Variants in MAP7 observed in about 807,000 individuals in gnomAD.
The protein encoded by MAP7 is microtubule associated protein 7.
In MAP7, 52 loss-of-function variants were observed where a neutral mutation model predicts 94.8. The ratio of observed to expected loss-of-function variants is 0.55; its 90% CI spans 0.44 to 0.69. MAP7 has a LOEUF of 0.69. Ranked by LOEUF, MAP7 falls within the 30% of genes least tolerant of loss-of-function variation. The pLI, the probability that MAP7 is intolerant of heterozygous loss-of-function variation, is 0.00. For synonymous variants in MAP7, 350 were observed against 357.0 expected, an observed-to-expected ratio of 0.98 and a Z score of 0.22; for missense variants, 940 against 964.6, an observed-to-expected ratio of 0.97 and a Z score of 0.34.
intron 1 of MAP7, among the ~76,000 whole-genome samples, chr6:136,472,506 T>A (rs1413387960): frequency 6.6e-6 from 1 of 152,226 alleles, no homozygotes; most frequent in Non-Finnish European, 1.5e-5. Context: ...TATCTTTGAC[T>A]TTAAAAAACA....
intron 2 of MAP7, among the ~76,000 whole-genome samples, chr6:136,419,689 G>A (rs1343048302): frequency 6.6e-6 from 1 of 152,156 alleles, no homozygotes; most frequent in African/African-American, 2.4e-5. Flanking sequence ...TGTATCACAT[G>A]TCATTAAAAG....
At chr6:136,419,957 T>C (rs1790733556) in intron 2 of MAP7, 1 of 666,858 alleles carries the variant, frequency 1.5e-6, no homozygotes, top group East Asian at 3.0e-5. Context: ...TATAACTTGG[T>C]TTCTGAGTGT....
intron 8 of MAP7, 21 bp from the exon 9 acceptor site, chr6:136,366,460 T>G (rs755086831): frequency 6.5e-7 from 1 of 1,528,308 alleles, no homozygotes; most frequent in Non-Finnish European, 9.1e-7. Context: ...AGAAACTCAA[T>G]AGTTAGATTT....
intron 2 of MAP7, chr6:136,419,796 A>G (rs1328328628): frequency 3.7e-6 from 1 of 269,582 alleles, no homozygotes; most frequent in Non-Finnish European, 7.2e-6. Flanking sequence ...TAAAGTTTTC[A>G]CCATCTGTAA....
chr6:136,408,932 C>T (rs568059697), intron 3 of MAP7, among the ~76,000 whole-genome samples: 9 of 151,864 alleles, frequency 5.9e-5, no homozygotes, highest in Admixed American at 3.3e-4. Context: ...GATTTTTAAA[C>T]GGCTCTTTTA....
At chr6:136,507,239 G>T (rs1382081033) in intron 1 of MAP7, among the ~76,000 whole-genome samples, 1 of 151,730 alleles carries the variant, frequency 6.6e-6, no homozygotes, top group Non-Finnish European at 1.5e-5. Flanking sequence ...CTCAATGGAG[G>T]GCTTAAAGGA....
intron 15 of MAP7, among the ~76,000 whole-genome samples, chr6:136,357,265 AT>A (rs1791267965): frequency 6.6e-6 from 1 of 152,202 alleles, no homozygotes; most frequent in Non-Finnish European, 1.5e-5. Flanking sequence ...AACAATGAGG[AT>A]TTCACGAATG....
chr6:136,455,695 C>T (rs567865989), intron 1 of MAP7, among the ~76,000 whole-genome samples: 9 of 152,156 alleles, frequency 5.9e-5, no homozygotes, highest in Admixed American at 3.3e-4. Flanking sequence ...ATACTCTTAA[C>T]CAATGAATGG....
chr6:136,521,173 T>C (rs982505103), intron 1 of MAP7, among the ~76,000 whole-genome samples: 3 of 152,182 alleles, frequency 2.0e-5, no homozygotes, highest in African/African-American at 4.8e-5. Flanking sequence ...AGCTGAAATC[T>C]AGATTATGAA....
intron 1 of MAP7, among the ~76,000 whole-genome samples, chr6:136,521,394 A>G (rs1826367612): frequency 6.6e-6 from 1 of 152,226 alleles, no homozygotes; most frequent in Admixed American, 6.5e-5. Flanking sequence ...CAGGAAGACC[A>G]TGATCCACCT....
chr6:136,405,938 T>A (rs1286216729), intron 3 of MAP7, among the ~76,000 whole-genome samples: 1 of 152,228 alleles, frequency 6.6e-6, no homozygotes, highest in African/African-American at 2.4e-5. Context: ...TCTTGGAATA[T>A]AAATTCCAGG....
chr6:136,529,355 A>G lies in MAP7; in HGVS notation c.67+20987T>C, dbSNP rs58858849. 5.6e-3 allele frequency among the ~76,000 whole-genome samples: 855 copies of G among 152,182 alleles called. 4 individuals are homozygous for G. Among genetic ancestry groups the G allele is most frequent in the East Asian group, 0.039 (204 of 5,170 alleles). On this transcript the variant is annotated intron_variant, in intron 1 of 17. Coordinates refer to ENST00000354570, the MANE Select transcript of MAP7 (RefSeq NM_003980.6). ...GGCTGGTCTTTGACTCCTGACCTCA[A>G]GTGATCCACCCACCTTGGCTTCTCA...
At chr6:136,356,903 T>A in intron 15 of MAP7, 109 bp from the exon 16 acceptor site, 1 of 818,958 alleles carries the variant, frequency 1.2e-6, no homozygotes, top group Non-Finnish European at 2.0e-6. Context: ...GCTACTTAAG[T>A]GATGTGAGAC....
chr6:136,403,049 T>C (rs1051377186), intron 3 of MAP7, among the ~76,000 whole-genome samples: 1 of 152,008 alleles, frequency 6.6e-6, no homozygotes, highest in Admixed American at 6.6e-5. Context: ...TGGTTGTCCT[T>C]GGAATCTTTC....
At chr6:136,391,826 G>A (rs1436247373) in intron 3 of MAP7, among the ~76,000 whole-genome samples, 1 of 152,108 alleles carries the variant, frequency 6.6e-6, no homozygotes, top group Non-Finnish European at 1.5e-5. Context: ...ACGCACACTC[G>A]TGCACATAAT....
At chr6:136,474,826 C>T (rs1328746552) in intron 1 of MAP7, among the ~76,000 whole-genome samples, 1 of 151,926 alleles carries the variant, frequency 6.6e-6, no homozygotes, top group African/African-American at 2.4e-5. Flanking sequence ...AGTGATCCTC[C>T]CACCTCAGCC....
chr6:136,529,503 G>A (rs183922050), intron 1 of MAP7, among the ~76,000 whole-genome samples: 3 of 152,268 alleles, frequency 2.0e-5, no homozygotes, highest in Admixed American at 2.0e-4. Flanking sequence ...CAGATACAGA[G>A]GCTTAAATCA....
chr6:136,545,867 T>C (rs1236562289), intron 1 of MAP7, among the ~76,000 whole-genome samples: 1 of 152,216 alleles, frequency 6.6e-6, no homozygotes, highest in Non-Finnish European at 1.5e-5. Context: ...TCATGGAGAA[T>C]GGGGTATCCA....
intron 1 of MAP7, among the ~76,000 whole-genome samples, chr6:136,505,373 G>C (rs556608919): frequency 4.0e-5 from 6 of 148,190 alleles, no homozygotes; most frequent in African/African-American, 1.5e-4. Flanking sequence ...GGGAGATAGG[G>C]AGAGGAAGGG....
Sources: allele counts gnomAD v4.1 joint callset (sites outside exome capture counted in the v4.1 genomes callset), GRCh38; gene constraint gnomAD v4.1.1; transcripts MANE v1.5; gene names NCBI Gene and HGNC (gene_info 2026-07-23, HGNC 2026-07-21).